Variants in TOX observed in about 807,000 individuals in gnomAD.
TOX encodes thymocyte selection associated high mobility group box.
TOX carries 11 observed loss-of-function variants against 53.7 expected under a neutral mutation model. That is an observed-to-expected ratio of 0.20 (90% confidence interval 0.13 to 0.34). The LOEUF is 0.34. TOX is among the 10% of genes least tolerant of loss of function. The pLI, the probability that TOX is intolerant of heterozygous loss-of-function variation, is 1.00. For synonymous variants in TOX, 225 were observed against 245.3 expected, an observed-to-expected ratio of 0.92 and a Z score of 0.77; for missense variants, 570 against 664.6, an observed-to-expected ratio of 0.86 and a Z score of 1.56.
intron 1 of TOX, among the ~76,000 whole-genome samples, chr8:59,063,618 T>C (rs1804032384): frequency 6.6e-6 from 1 of 151,984 alleles, no homozygotes; most frequent in Admixed American, 6.6e-5. Flanking sequence ...AAAACGGGGT[T>C]TCACCATGTT....
intron 1 of TOX, among the ~76,000 whole-genome samples, chr8:59,100,288 G>T (rs1804784667): frequency 6.6e-6 from 1 of 152,112 alleles, no homozygotes; most frequent in Non-Finnish European, 1.5e-5. Flanking sequence ...CTGTTATAAT[G>T]AAGTCCTTTG....
At chr8:58,865,318 ACT>A (rs370925118) in intron 3 of TOX, among the ~76,000 whole-genome samples, 5 of 152,274 alleles carry the variant, frequency 3.3e-5, no homozygotes, top group Non-Finnish European at 7.4e-5. Context: ...TTTGCAGTTA[ACT>A]CTGAATATTC....
intron 3 of TOX, among the ~76,000 whole-genome samples, chr8:58,853,780 A>G (rs1157852006): frequency 1.3e-5 from 2 of 152,200 alleles, no homozygotes; most frequent in Non-Finnish European, 2.9e-5. Context: ...CTCTTCTTAG[A>G]TGTACATGTA....
At chr8:59,067,536 A>G (rs1439210561) in intron 1 of TOX, among the ~76,000 whole-genome samples, 3 of 152,208 alleles carry the variant, frequency 2.0e-5, no homozygotes, top group Non-Finnish European at 4.4e-5. Flanking sequence ...GCTGGGAGAC[A>G]GAGTGAGACT....
intron 1 of TOX, among the ~76,000 whole-genome samples, chr8:59,011,105 T>G (rs895898860): frequency 1.3e-5 from 2 of 152,228 alleles, no homozygotes; most frequent in African/African-American, 4.8e-5. Context: ...CCCTTTTCAT[T>G]TGGCTCATGG....
intron 1 of TOX, among the ~76,000 whole-genome samples, chr8:58,990,824 C>T (rs1472074452): frequency 6.6e-6 from 1 of 152,184 alleles, no homozygotes; most frequent in Non-Finnish European, 1.5e-5. Flanking sequence ...ATCTTCTGCT[C>T]CCACAATGTG....
chr8:58,902,459 A>G (rs577867907), intron 3 of TOX, among the ~76,000 whole-genome samples: 1 of 152,276 alleles, frequency 6.6e-6, no homozygotes, highest in East Asian at 1.9e-4. Flanking sequence ...ATCTCTGGAA[A>G]TTGAGTGCTG....
chr8:59,034,989 G>A (rs916554351), intron 1 of TOX, among the ~76,000 whole-genome samples: 6 of 152,092 alleles, frequency 3.9e-5, no homozygotes, highest in Admixed American at 3.9e-4. Flanking sequence ...GGAAGAGCAG[G>A]GCCCTGGGAG....
At chr8:58,828,689 C>T (rs144223247) in intron 5 of TOX, among the ~76,000 whole-genome samples, 1 of 152,124 alleles carries the variant, frequency 6.6e-6, no homozygotes, top group African/African-American at 2.4e-5. Context: ...AGCCATGAAA[C>T]AGCTCTCCTG....
At chr8:59,087,019 A>G (rs1019636400) in intron 1 of TOX, among the ~76,000 whole-genome samples, 1 of 152,228 alleles carries the variant, frequency 6.6e-6, no homozygotes, top group African/African-American at 2.4e-5. Context: ...GGTTACAAAG[A>G]TCAACTAAAC....
chr8:58,894,732 A>G (rs2218684), intron 3 of TOX, among the ~76,000 whole-genome samples: 3 of 151,914 alleles, frequency 2.0e-5, no homozygotes, highest in African/African-American at 7.3e-5. Context: ...CATCTCTACT[A>G]AAAATATAAA....
At chr8:58,937,440 A>G (rs1402039231) in intron 3 of TOX, among the ~76,000 whole-genome samples, 1 of 152,146 alleles carries the variant, frequency 6.6e-6, no homozygotes, top group African/African-American at 2.4e-5. Context: ...GGGAATGGAC[A>G]TGAAAATGGC....
chr8:58,924,622 T>C (rs1423658773), intron 3 of TOX, among the ~76,000 whole-genome samples: 2 of 152,236 alleles, frequency 1.3e-5, no homozygotes, highest in African/African-American at 4.8e-5. Context: ...GCTTATCCAA[T>C]AAACCGTAAT....
chr8:58,885,856 A>G (rs1811458714), intron 3 of TOX, among the ~76,000 whole-genome samples: 1 of 152,168 alleles, frequency 6.6e-6, no homozygotes, highest in South Asian at 2.1e-4. Context: ...TCACTAATGT[A>G]CACATAATAT....
chr8:59,099,201 G>A (rs1433824167), intron 1 of TOX, among the ~76,000 whole-genome samples: 1 of 152,086 alleles, frequency 6.6e-6, no homozygotes, highest in Non-Finnish European at 1.5e-5. Context: ...CTGACTTCTT[G>A]GGCTGGAAAA....
chr8:59,081,524 G>A lies in TOX; in HGVS notation c.102+37362C>T, dbSNP rs113093282. ...AAGTTTGTTACAGTGCAAAAGAAGA[G>A]GAAGTCAATGGTAGCTTTAAGTTTC... is the stretch of plus-strand genomic sequence containing the variant. On this transcript the variant is annotated intron_variant, in intron 1 of 8. Coordinates refer to ENST00000361421, the MANE Select transcript of TOX (RefSeq NM_014729.3). Among the ~76,000 whole-genome samples, 5 of 152,308 alleles carry A rather than the reference G, an allele frequency of 3.3e-5. 1 individual carries two copies. The highest frequency in any genetic ancestry group is 1.2e-4 in the African/African-American group (5 of 41,566).
intron 1 of TOX, among the ~76,000 whole-genome samples, chr8:58,993,561 G>T (rs1813496314): frequency 6.6e-6 from 1 of 152,154 alleles, no homozygotes; most frequent in Non-Finnish European, 1.5e-5. Flanking sequence ...TTTAAGAAAA[G>T]TTGAAATCAG....
intron 6 of TOX, among the ~76,000 whole-genome samples, chr8:58,819,748 C>T (rs1171661696): frequency 6.6e-6 from 1 of 152,102 alleles, no homozygotes; most frequent in Non-Finnish European, 1.5e-5. Flanking sequence ...ATTGACAAAG[C>T]TATTGTTATT....
chr8:58,941,773 C>T (rs888320718), intron 2 of TOX, among the ~76,000 whole-genome samples: 18 of 152,182 alleles, frequency 1.2e-4, no homozygotes, highest in Admixed American at 3.3e-4. Flanking sequence ...ACTCTCCTGG[C>T]GGGGCGCGGT....
Sources: gnomAD v4.1 joint callset for allele counts (sites outside exome capture counted in the v4.1 genomes callset) on GRCh38, gnomAD v4.1.1 for gene constraint, MANE v1.5 for transcripts, NCBI Gene and HGNC (gene_info 2026-07-23, HGNC 2026-07-21) for gene names.